TBC1D4: variants seen among roughly 807,000 people sequenced by gnomAD.
The protein encoded by TBC1D4 is TBC1 domain family member 4.
In TBC1D4, 121 loss-of-function variants were observed where a neutral mutation model predicts 142.5. The ratio of observed to expected loss-of-function variants is 0.85; its 90% CI spans 0.73 to 0.99. TBC1D4 has a LOEUF of 0.99. Ranked by LOEUF, TBC1D4 falls within the 50% of genes least tolerant of loss-of-function variation. The probability of loss-of-function intolerance (pLI) is 0.00; values close to 1 mark genes in which losing one functional copy is unlikely to be tolerated. For missense variants in TBC1D4, 1,475 were observed against 1,606.6 expected (o/e 0.92, Z 1.40); for synonymous variants, 630 against 628.2 (o/e 1.00, Z -0.04).
chr13:75,394,190 G>A (rs1217456839), intron 1 of TBC1D4, among the ~76,000 whole-genome samples: 5 of 152,158 alleles, frequency 3.3e-5, no homozygotes, highest in Admixed American at 6.5e-5. Context: ...AATTAACTTA[G>A]AGAAAGAAAA....
intron 1 of TBC1D4, among the ~76,000 whole-genome samples, chr13:75,411,076 G>A (rs931929548): frequency 6.7e-5 from 10 of 150,112 alleles, no homozygotes; most frequent in South Asian, 2.1e-4. Context: ...TAAAAAAGCC[G>A]AAAGAACCCA....
At chr13:75,422,125 G>A (rs1886196359) in intron 1 of TBC1D4, among the ~76,000 whole-genome samples, 1 of 152,204 alleles carries the variant, frequency 6.6e-6, no homozygotes, top group African/African-American at 2.4e-5. Context: ...CACCTATTGT[G>A]CTATACACAA....
chr13:75,407,562 T>C (rs959304807), intron 1 of TBC1D4, among the ~76,000 whole-genome samples: 1 of 152,090 alleles, frequency 6.6e-6, no homozygotes, highest in Non-Finnish European at 1.5e-5. Flanking sequence ...GTGGCTTTGG[T>C]ACAAACTACA....
At chr13:75,452,718 C>T (rs531183451) in intron 1 of TBC1D4, among the ~76,000 whole-genome samples, 16 of 152,256 alleles carry the variant, frequency 1.1e-4, no homozygotes, top group African/African-American at 3.9e-4. Context: ...GGTATTAAAT[C>T]ATAAAAGGCT....
At chr13:75,301,800 T>C (rs534203634) in intron 16 of TBC1D4, among the ~76,000 whole-genome samples, 2 of 152,322 alleles carry the variant, frequency 1.3e-5, no homozygotes, top group South Asian at 4.1e-4. Flanking sequence ...ATCATGCTGC[T>C]TTTTAAAGTG....
intron 1 of TBC1D4, among the ~76,000 whole-genome samples, chr13:75,444,000 C>G (rs1318386536): frequency 2.0e-5 from 3 of 150,792 alleles, no homozygotes; most frequent in African/African-American, 7.3e-5. Flanking sequence ...GCTGTAGATG[C>G]TAGGGTAACA....
chr13:75,405,981 A>C (rs1048899777), intron 1 of TBC1D4, among the ~76,000 whole-genome samples: 2 of 152,076 alleles, frequency 1.3e-5, no homozygotes, highest in African/African-American at 4.8e-5. Context: ...TCCTTGCACA[A>C]CTCTCTTCCC....
intron 1 of TBC1D4, among the ~76,000 whole-genome samples, chr13:75,367,458 T>C (rs1003473588): frequency 3.3e-5 from 5 of 152,068 alleles, no homozygotes; most frequent in Non-Finnish European, 5.9e-5. Flanking sequence ...TGATATAAGC[T>C]TCACTGCTTG....
At position 75,337,060 on chromosome 13, in the gene TBC1D4, T is replaced by C. The variant is rs753584728; in HGVS notation, c.1612-20A>G. On this transcript the variant is annotated intron_variant, in intron 7 of 20. Transcript: ENST00000377636. ...AATAGTCTAAAAAAAGAAAAACAGA[T>C]ACATTTTAGTTTGGAAATACTCAAG... 6.2e-6 allele frequency: 10 copies of C among 1,607,396 alleles called. No homozygotes were observed. The South Asian group carries it at 9.9e-5, about 16-fold the overall frequency.
rs185028791 is a variant in TBC1D4, at chr13:75,406,371, C to T, written c.499-43764G>A. 2.0e-3 allele frequency among the ~76,000 whole-genome samples: 308 copies of T among 152,342 alleles called. 2 individuals carry two copies. The highest frequency in any genetic ancestry group is 2.8e-3 in the Non-Finnish European group (191 of 68,030). Reference sequence around the variant, plus strand: ...AATGTCCAAGGTACTTAAATTGCCACCCAATTCAACTTCTTCTAATTAAAG... The same window carrying T: ...AATGTCCAAGGTACTTAAATTGCCATCCAATTCAACTTCTTCTAATTAAAG... On this transcript the variant is annotated intron_variant, in intron 1 of 20. Transcript: ENST00000377636.
At chr13:75,308,383 G>A (rs545329099) in intron 14 of TBC1D4, among the ~76,000 whole-genome samples, 36 of 152,248 alleles carry the variant, frequency 2.4e-4, no homozygotes, top group Middle Eastern at 3.4e-3. Flanking sequence ...GGGAAAGCCC[G>A]AGAACCACGA....
At chr13:75,375,369 G>A (rs892078008) in intron 1 of TBC1D4, 1 of 152,170 alleles carries the variant, frequency 6.6e-6, no homozygotes, top group African/African-American at 2.4e-5. Context: ...TTGTGTCTAA[G>A]AGTTCTAACC....
intron 16 of TBC1D4, 57 bp from the exon 17 acceptor site, chr13:75,299,631 C>G: frequency 6.2e-7 from 1 of 1,604,342 alleles, no homozygotes; most frequent in South Asian, 1.1e-5. Flanking sequence ...TTGGAGACAA[C>G]AGTGAAATTG....
chr13:75,376,362 T>C (rs1225303465), intron 1 of TBC1D4, among the ~76,000 whole-genome samples: 3 of 141,334 alleles, frequency 2.1e-5, no homozygotes, highest in Non-Finnish European at 4.5e-5. Context: ...TACAATCATG[T>C]TCTTCTGGTG....
intron 8 of TBC1D4, among the ~76,000 whole-genome samples, chr13:75,330,162 TTTC>T (rs1465054087): frequency 6.6e-6 from 1 of 152,210 alleles, no homozygotes; most frequent in Non-Finnish European, 1.5e-5. Context: ...CTATTTTCCA[TTTC>T]TTTGAAGTTT....
chr13:75,324,035 A>C (rs1255718764), intron 11 of TBC1D4, among the ~76,000 whole-genome samples: 1 of 152,226 alleles, frequency 6.6e-6, no homozygotes, highest in Non-Finnish European at 1.5e-5. Context: ...CATATCATCA[A>C]AAAGCTTTGA....
chr13:75,440,416 G>A (rs1886987165), intron 1 of TBC1D4, among the ~76,000 whole-genome samples: 1 of 151,738 alleles, frequency 6.6e-6, no homozygotes. Context: ...AATTGACACA[G>A]TTAAATTTTA....
intron 11 of TBC1D4, among the ~76,000 whole-genome samples, chr13:75,321,534 T>C (rs983640397): frequency 1.3e-5 from 2 of 152,170 alleles, no homozygotes; most frequent in Admixed American, 6.6e-5. Flanking sequence ...ACAGGAATCC[T>C]CTGTGATATT....
At chr13:75,353,727 G>A (rs1202572420) in intron 4 of TBC1D4, among the ~76,000 whole-genome samples, 7 of 152,146 alleles carry the variant, frequency 4.6e-5, no homozygotes, top group Non-Finnish European at 2.9e-5. Flanking sequence ...CTATAGTAGG[G>A]CAGAGCCAGG....
Sources: gnomAD v4.1 joint callset for allele counts (sites outside exome capture counted in the v4.1 genomes callset) on GRCh38, gnomAD v4.1.1 for gene constraint, MANE v1.5 for transcripts, NCBI Gene and HGNC (gene_info 2026-07-23, HGNC 2026-07-21) for gene names.